PLEKHG1: variants seen among roughly 807,000 people sequenced by gnomAD.
PLEKHG1 encodes pleckstrin homology domain-containing family G member 1.
PLEKHG1 carries 44 observed loss-of-function variants against 100.8 expected under a neutral mutation model. The ratio of observed to expected loss-of-function variants is 0.44; its 90% CI spans 0.34 to 0.56. The LOEUF (loss-of-function observed/expected upper bound fraction) is 0.56. PLEKHG1 is among the 20% of genes least tolerant of loss of function. PLEKHG1 has a pLI of 0.01. For missense variants in PLEKHG1, 1,545 were observed against 1,720.9 expected, an observed-to-expected ratio of 0.90 and a Z score of 1.81; for synonymous variants, 640 against 662.5, an observed-to-expected ratio of 0.97 and a Z score of 0.52.
At chr6:150,612,839 C>T (rs1390080069) in intron 1 of PLEKHG1, among the ~76,000 whole-genome samples, 1 of 152,184 alleles carries the variant, frequency 6.6e-6, no homozygotes, top group Non-Finnish European at 1.5e-5. Flanking sequence ...GATCCATGCT[C>T]CCTCTTGGTC....
intron 3 of PLEKHG1, among the ~76,000 whole-genome samples, chr6:150,682,789 C>G (rs75524486): frequency 1.3e-5 from 2 of 152,094 alleles, no homozygotes; most frequent in East Asian, 3.9e-4. Context: ...CATGCCTGCC[C>G]AGTTTTCCCT....
At chr6:150,718,839 C>CA (rs1781542978), upstream of PLEKHG1, among the ~76,000 whole-genome samples, 1 of 150,940 alleles carries the variant, frequency 6.6e-6, no homozygotes, top group Non-Finnish European at 1.5e-5. Context: ...ATGCGCTATC[C>CA]ATTGGTTAAT....
chr6:150,693,563 C>T (rs1349151575), intron 3 of PLEKHG1, among the ~76,000 whole-genome samples: 1 of 152,228 alleles, frequency 6.6e-6, no homozygotes, highest in Non-Finnish European at 1.5e-5. Context: ...TTTGGTCACA[C>T]TGGAGCACAG....
At chr6:150,757,982 A>G (rs1231550226) in intron 2 of PLEKHG1, among the ~76,000 whole-genome samples, 2 of 152,166 alleles carry the variant, frequency 1.3e-5, no homozygotes, top group South Asian at 2.1e-4. Context: ...GTTGCTGAGG[A>G]TAACAGCTTC....
chr6:150,654,656 G>A (rs1778892603), intron 3 of PLEKHG1, among the ~76,000 whole-genome samples: 2 of 152,242 alleles, frequency 1.3e-5, no homozygotes, highest in African/African-American at 4.8e-5. Context: ...GCTCAAGAAG[G>A]AAACAACACC....
At chr6:150,730,627 A>G (rs752901813) in intron 1 of PLEKHG1, among the ~76,000 whole-genome samples, 42 of 152,092 alleles carry the variant, frequency 2.8e-4, no homozygotes, top group Non-Finnish European at 5.3e-4. Flanking sequence ...ACTTGGCCAG[A>G]GGCAGTGGCT....
intron 12 of PLEKHG1, among the ~76,000 whole-genome samples, chr6:150,820,733 C>T (rs1776246141): frequency 6.6e-6 from 1 of 151,882 alleles, no homozygotes; most frequent in East Asian, 1.9e-4. Context: ...GGCATGTTGG[C>T]AGATACCTGT....
intron 3 of PLEKHG1, among the ~76,000 whole-genome samples, chr6:150,699,481 C>A (rs755340468): frequency 6.6e-6 from 1 of 152,172 alleles, no homozygotes; most frequent in African/African-American, 2.4e-5. Flanking sequence ...GGGGAAGAGA[C>A]ATTTTAGACT....
At chr6:150,822,177 A>AAAAAC (rs1278144184) in intron 13 of PLEKHG1, among the ~76,000 whole-genome samples, 1 of 124,320 alleles carries the variant, frequency 8.0e-6, no homozygotes, top group Non-Finnish European at 1.8e-5. Context: ...AAAAAAAAAA[A>AAAAAC]AGAATAGGGC....
chr6:150,737,927 C>T (rs1434615705), intron 2 of PLEKHG1, among the ~76,000 whole-genome samples: 1 of 152,064 alleles, frequency 6.6e-6, no homozygotes, highest in Non-Finnish European at 1.5e-5. Context: ...CCTCAGCCTC[C>T]CATGTATCTA....
intron 5 of PLEKHG1, among the ~76,000 whole-genome samples, chr6:150,796,758 G>A (rs1215934793): frequency 6.6e-6 from 1 of 152,052 alleles, no homozygotes; most frequent in Non-Finnish European, 1.5e-5. Flanking sequence ...CCATTTCATA[G>A]ATGAAGTAAC....
chr6:150,776,749 A>G (rs200579960), intron 3 of PLEKHG1, among the ~76,000 whole-genome samples: 5,244 of 132,950 alleles, frequency 0.039, 59 homozygotes, highest in Admixed American at 0.063. Context: ...GCACATGTGC[A>G]GTTGCACATT....
At chr6:150,785,371 T>C (rs1478969393) in intron 3 of PLEKHG1, among the ~76,000 whole-genome samples, 1 of 152,192 alleles carries the variant, frequency 6.6e-6, no homozygotes, top group Non-Finnish European at 1.5e-5. Context: ...GTATAACTCA[T>C]GTGGAGTGCA....
intron 1 of PLEKHG1, among the ~76,000 whole-genome samples, chr6:150,721,719 A>G (rs940054037): frequency 2.0e-5 from 3 of 152,188 alleles, no homozygotes; most frequent in African/African-American, 7.2e-5. Flanking sequence ...TGCAGTTTCC[A>G]TTTTGAGTGT....
chr6:150,736,093 G>C (rs1204696246), intron 2 of PLEKHG1, among the ~76,000 whole-genome samples: 1 of 152,206 alleles, frequency 6.6e-6, no homozygotes, highest in Non-Finnish European at 1.5e-5. Flanking sequence ...TGGGGCCTAA[G>C]GTCTTGGTCA....
At chr6:150,697,923 GTGTT>G (rs1252856451) in intron 3 of PLEKHG1, among the ~76,000 whole-genome samples, 1 of 22,022 alleles carries the variant, frequency 4.5e-5, no homozygotes, top group African/African-American at 1.5e-4. Context: ...TCTGGCAGTG[GTGTT>G]TTTTTTTTTT....
intron 1 of PLEKHG1, among the ~76,000 whole-genome samples, chr6:150,615,367 C>T (rs1191886151): frequency 1.3e-5 from 2 of 152,196 alleles, no homozygotes; most frequent in Non-Finnish European, 2.9e-5. Context: ...TAACTTTCTA[C>T]TGGAATGTAC....
At chr6:150,721,384 G>C (rs1316927746) in intron 1 of PLEKHG1, among the ~76,000 whole-genome samples, 3 of 116,650 alleles carry the variant, frequency 2.6e-5, no homozygotes, top group Non-Finnish European at 5.7e-5. Context: ...GCGATAGACT[G>C]AAGTCTGGAA....
intron 3 of PLEKHG1, among the ~76,000 whole-genome samples, chr6:150,708,455 T>C (rs1781109816): frequency 6.6e-6 from 1 of 152,156 alleles, no homozygotes; most frequent in Admixed American, 6.5e-5. Flanking sequence ...TAGTTTTATA[T>C]ATTGTTAGAA....
Sources: gnomAD v4.1 joint callset for allele counts (sites outside exome capture counted in the v4.1 genomes callset) on GRCh38, gnomAD v4.1.1 for gene constraint, MANE v1.5 for transcripts, NCBI Gene and HGNC (gene_info 2026-07-23, HGNC 2026-07-21) for gene names.